KLHL1: variants seen among roughly 807,000 people sequenced by gnomAD.
The protein encoded by KLHL1 is kelch like family member 1, also known as kelch-like protein 1.
A neutral mutation model predicts 77.7 loss-of-function variants in KLHL1; 47 were observed. The observed-to-expected ratio is 0.60, with a 90% CI of 0.48 to 0.77. KLHL1 has a LOEUF of 0.77. KLHL1 is among the 30% of genes least tolerant of loss of function. The probability of loss-of-function intolerance (pLI) is 0.00; values close to 1 mark genes in which losing one functional copy is unlikely to be tolerated. For synonymous variants in KLHL1, 360 were observed against 325.2 expected, an observed-to-expected ratio of 1.11 and a Z score of -1.15; for missense variants, 925 against 910.8, an observed-to-expected ratio of 1.02 and a Z score of -0.20.
rs116665109 is a variant in KLHL1 at position 69,917,964 on chromosome 13, G to A, written c.1014+22076C>T. Among the ~76,000 whole-genome samples, 459 of 152,120 alleles carry A rather than the reference G, an allele frequency of 3.0e-3. 2 individuals carry two copies. The highest frequency in any genetic ancestry group is 9.9e-3 in the African/African-American group (410 of 41,518). On this transcript the variant is annotated intron_variant, in intron 4 of 10. Transcript: ENST00000377844. ...TGTCTACATATCTGTATTCATACAT[G>A]TACTCCACAGCACTGATTCCTAAAA...
intron 1 of KLHL1, among the ~76,000 whole-genome samples, chr13:70,076,462 A>T (rs1243198724): frequency 6.6e-6 from 1 of 150,872 alleles, no homozygotes; most frequent in Non-Finnish European, 1.5e-5. Context: ...CACTGACTTT[A>T]CAGTTTTCAC....
At chr13:70,101,505 T>C in intron 1 of KLHL1, among the ~76,000 whole-genome samples, 1 of 152,152 alleles carries the variant, frequency 6.6e-6, no homozygotes, top group East Asian at 1.9e-4. Context: ...CTCGGCTTAC[T>C]GTAACATCCG....
In KLHL1 at chr13:69,727,774, G is replaced by T. The variant is rs1364776592; in HGVS notation, c.1803-8193C>A. Among the ~76,000 whole-genome samples the T allele has an allele frequency of 2.0e-5, 3 of 151,810 alleles. No homozygotes were observed. In the South Asian group the frequency reaches 6.2e-4, roughly 32 times the overall value. On this transcript the variant is annotated intron_variant, in intron 8 of 10. Coordinates refer to ENST00000377844, the MANE Select transcript of KLHL1 (RefSeq NM_020866.3). ...GTGATGAAATTCTACTAATTGTACA[G>T]TTTCCTTGAGCAATTAGAAACAACT... is the stretch of plus-strand genomic sequence containing the variant.
intron 4 of KLHL1, among the ~76,000 whole-genome samples, chr13:69,939,347 A>ATG (rs1883284219): frequency 2.7e-5 from 1 of 36,894 alleles, no homozygotes; most frequent in Non-Finnish European, 5.5e-5. Flanking sequence ...ATACATATAT[A>ATG]TATATATATA....
chr13:70,026,703 G>C (rs1885950123), intron 1 of KLHL1, among the ~76,000 whole-genome samples: 1 of 85,256 alleles, frequency 1.2e-5, no homozygotes, highest in Admixed American at 1.4e-4. Flanking sequence ...AAGAACTTAG[G>C]GTGTGTGTGT....
intron 7 of KLHL1, among the ~76,000 whole-genome samples, chr13:69,778,598 A>C (rs1337214421): frequency 2.6e-5 from 4 of 152,162 alleles, no homozygotes; most frequent in African/African-American, 4.8e-5. Context: ...AAGATTACTC[A>C]TACATTTTGT....
intron 7 of KLHL1, among the ~76,000 whole-genome samples, chr13:69,750,200 T>C (rs1160015906): frequency 4.6e-5 from 7 of 151,716 alleles, no homozygotes; most frequent in Non-Finnish European, 8.9e-5. Flanking sequence ...ACCTTCCAGG[T>C]ATAACTTATT....
intron 1 of KLHL1, among the ~76,000 whole-genome samples, chr13:69,990,514 T>A (rs1273564398): frequency 6.6e-6 from 1 of 151,816 alleles, no homozygotes; most frequent in South Asian, 2.1e-4. Context: ...AAGCAGGAGC[T>A]GTAATCCTAA....
intron 1 of KLHL1, among the ~76,000 whole-genome samples, chr13:70,022,279 GTT>G (rs879565006): frequency 0.29 from 40,544 of 140,900 alleles, 5,710 homozygotes; most frequent in African/African-American, 0.4. Context: ...TTACGTGTGT[GTT>G]TGTGTGTGTG....
chr13:70,014,593 C>A (rs2137342975), intron 1 of KLHL1, among the ~76,000 whole-genome samples: 1 of 152,158 alleles, frequency 6.6e-6, no homozygotes. Flanking sequence ...GTTTTTCATA[C>A]TTTTCATATT....
At chr13:69,958,736 A>C (rs1321960429) in intron 3 of KLHL1, among the ~76,000 whole-genome samples, 1 of 145,750 alleles carries the variant, frequency 6.9e-6, no homozygotes, top group Non-Finnish European at 1.5e-5. Context: ...AAACCTTAAA[A>C]TTAAAAAAAA....
At position 69,740,528 on chromosome 13, in the gene KLHL1, A is replaced by AT; in HGVS notation, c.1667dup (p.Tyr556Ter). 6.2e-7 allele frequency: 1 copy of AT among 1,612,280 alleles called. No individual in the cohort carries two copies. Among genetic ancestry groups the AT allele is most frequent in the Non-Finnish European group, 8.5e-7 (1 of 1,178,694 alleles). The change falls in exon 8 of 11, where the codon TAT (tyrosine) becomes TAAT (stop). Residue 556 changes from tyrosine (Y) to a stop codon, truncating the protein, a stop_gained and frameshift_variant. Coordinates refer to ENST00000377844, the MANE Select transcript of KLHL1 (RefSeq NM_020866.3). LOFTEE classifies it high-confidence loss of function. ...LGVTVLEGPI[Y>*]AVGGHDGWSY... ...TCCAGCCATCATGGCCTCCCACAGC[A>AT]TAAATAGGGCCTTCAAGTACTGTTA... is the stretch of plus-strand genomic sequence containing the variant.
chr13:69,713,319 T>C (rs1267040035), intron 9 of KLHL1, among the ~76,000 whole-genome samples: 2 of 152,308 alleles, frequency 1.3e-5, no homozygotes, highest in East Asian at 1.9e-4. Context: ...AGGTGTTCTG[T>C]TAACATGTCT....
chr13:69,987,134 G>A (rs777952528), intron 1 of KLHL1, among the ~76,000 whole-genome samples: 2 of 151,854 alleles, frequency 1.3e-5, no homozygotes, highest in Non-Finnish European at 2.9e-5. Flanking sequence ...TGCCAGAAAT[G>A]AAACACATTT....
intron 8 of KLHL1, among the ~76,000 whole-genome samples, chr13:69,725,141 A>G (rs1348943659): frequency 6.6e-6 from 1 of 152,160 alleles, no homozygotes; most frequent in Non-Finnish European, 1.5e-5. Flanking sequence ...GTCAAGGAAC[A>G]ATTCTCTACT....
intron 8 of KLHL1, among the ~76,000 whole-genome samples, chr13:69,724,900 AT>A (rs1283961858): frequency 6.6e-6 from 1 of 152,192 alleles, no homozygotes; most frequent in African/African-American, 2.4e-5. Flanking sequence ...AAAATCTATT[AT>A]GCAGGAGGAA....
chr13:70,073,128 C>G (rs1377405165), intron 1 of KLHL1, among the ~76,000 whole-genome samples: 1 of 152,130 alleles, frequency 6.6e-6, no homozygotes, highest in Non-Finnish European at 1.5e-5. Flanking sequence ...TATTGCAGCA[C>G]TATTCACGAT....
chr13:69,806,351 A>T (rs1877615264), intron 6 of KLHL1, among the ~76,000 whole-genome samples: 1 of 152,204 alleles, frequency 6.6e-6, no homozygotes, highest in Admixed American at 6.6e-5. Flanking sequence ...ACAGTCTAAT[A>T]AAACCTTAAG....
chr13:69,841,581 C>G (rs1210755207), intron 5 of KLHL1, among the ~76,000 whole-genome samples: 1 of 151,680 alleles, frequency 6.6e-6, no homozygotes, highest in Non-Finnish European at 1.5e-5. Context: ...TAAAAAAAAT[C>G]CCATGCTCAC....
Sources: gnomAD v4.1 joint callset for allele counts (sites outside exome capture counted in the v4.1 genomes callset) on GRCh38, gnomAD v4.1.1 for gene constraint, MANE v1.5 for transcripts, NCBI Gene and HGNC (gene_info 2026-07-23, HGNC 2026-07-21) for gene names.